OPN1LW: variants seen among roughly 807,000 people sequenced by gnomAD.
OPN1LW encodes opsin 1, long wave sensitive.
In OPN1LW, 4 loss-of-function variants were observed where a neutral mutation model predicts 18.1. The ratio of observed to expected loss-of-function variants is 0.22; its 90% CI spans 0.11 to 0.51. The LOEUF (loss-of-function observed/expected upper bound fraction) is 0.51. OPN1LW is among the 20% of genes least tolerant of loss of function. OPN1LW has a pLI of 0.97. For synonymous variants in OPN1LW, 86 were observed against 101.2 expected (o/e 0.85, Z 0.90); for missense variants, 164 against 234.9 (o/e 0.70, Z 1.97).
At chrX:154,151,073 G>A (rs1471409363) in intron 2 of OPN1LW, 121 bp downstream of exon 2, 17 of 1,012,811 alleles carry the variant, frequency 1.7e-5, no homozygotes, top group African/African-American at 8.9e-5. Context: ...CCCCATCTGC[G>A]CCTCACATCC....
At chrX:154,149,337 G>A (rs2067066805) in intron 1 of OPN1LW, among the ~76,000 whole-genome samples, 1 of 103,677 alleles carries the variant, frequency 9.6e-6, no homozygotes, top group Non-Finnish European at 1.9e-5. Flanking sequence ...AGACCAGCCT[G>A]GTCAACATGG....
In OPN1LW at chrX:154,149,236, T is replaced by G. The variant is rs781827122; in HGVS notation, c.113-1420T>G. ...AAAGAAAAAAAAAAGAAAAGAAAAA[T>G]AAATTACCAGGCTGTGCATGGTGGC... is the stretch of plus-strand genomic sequence containing the variant. On this transcript the variant is annotated intron_variant, in intron 1 of 5. Coordinates refer to ENST00000369951, the MANE Select transcript of OPN1LW (RefSeq NM_020061.6). 5.0e-3 allele frequency among the ~76,000 whole-genome samples: 405 copies of G among 80,894 alleles called. 17 individuals are homozygous for G. Among genetic ancestry groups the G allele is most frequent in the African/African-American group, 0.022 (371 of 17,076 alleles). 70.2% of individuals were successfully genotyped at this position (80,894 alleles called of 115,157 possible).
chrX:154,145,682 C>T (rs1179768518), intron 1 of OPN1LW, among the ~76,000 whole-genome samples: 1 of 78,474 alleles, frequency 1.3e-5, no homozygotes, highest in Non-Finnish European at 2.4e-5. Context: ...ACAGTCTCTT[C>T]CTAGATGCCC....
intron 1 of OPN1LW, among the ~76,000 whole-genome samples, chrX:154,148,073 TA>T (rs1159974891): frequency 3.3e-5 from 3 of 90,543 alleles, no homozygotes; most frequent in Non-Finnish European, 6.0e-5. Context: ...TCTACAGAAA[TA>T]AAAAAAATTG....
At position 154,156,429 on chromosome X, in the gene OPN1LW, A is replaced by T; in HGVS notation, c.880A>T (p.Asn294Tyr). Reference protein sequence around the residue: ...YTFFACFAAANPGYAFHPLMA... With the variant: ...YTFFACFAAAYPGYAFHPLMA... Reference sequence around the variant, plus strand: ...CTTCTTCGCATGCTTTGCTGCTGCCAACCCTGGTTACGCCTTCCACCCTTT... The same window carrying T: ...CTTCTTCGCATGCTTTGCTGCTGCCTACCCTGGTTACGCCTTCCACCCTTT... The change falls in exon 5 of 6, where the codon AAC becomes TAC. Residue 294 changes from asparagine (N) to tyrosine (Y), a missense_variant. Physicochemically the swap from Asn to Tyr is moderately radical, Grantham distance 143. This residue lies in a region of OPN1LW where 53 missense variants were observed against 50.2 expected (regional missense o/e 1.06). Coordinates refer to ENST00000369951, the MANE Select transcript of OPN1LW (RefSeq NM_020061.6). 1 of 1,204,947 alleles carries T rather than the reference A, an allele frequency of 8.3e-7. No homozygotes were observed. Among genetic ancestry groups the T allele is most frequent in the Non-Finnish European group, 1.1e-6 (1 of 890,474 alleles).
intron 3 of OPN1LW, among the ~76,000 whole-genome samples, chrX:154,154,265 A>G (rs2067078556): frequency 2.0e-5 from 2 of 101,018 alleles, no homozygotes; most frequent in African/African-American, 7.5e-5. Flanking sequence ...TGCCTGGCCT[A>G]TAATGGTACA....
intron 1 of OPN1LW, among the ~76,000 whole-genome samples, chrX:154,149,059 G>C (rs1210279407): frequency 1.9e-5 from 2 of 103,421 alleles, no homozygotes; most frequent in Admixed American, 9.9e-5. Flanking sequence ...GAAAAAATTA[G>C]CCAGGCGTGG....
In OPN1LW at chrX:154,156,665, C is replaced by G. The variant is rs1441787636; in HGVS notation, c.984+132C>G. 18 of 1,065,733 alleles carry G rather than the reference C, an allele frequency of 1.7e-5. No homozygotes were observed. In the African/African-American group the frequency reaches 3.5e-4, roughly 21 times the overall value. The allele number at this position is 1,065,733 out of a possible 1,213,427, so 87.8% of individuals were successfully genotyped here. A position where few individuals can be genotyped will look rare whatever the true frequency, so the allele number is the denominator to read the frequency against. ...TCTGGGGGACCCTCCAGGGAAATGACCGGGAAAGGCTCAGCGTGTGACCCA... is the reference window on the plus strand; with the variant it reads ...TCTGGGGGACCCTCCAGGGAAATGAGCGGGAAAGGCTCAGCGTGTGACCCA... On this transcript the variant is annotated intron_variant, in intron 5 of 5. Coordinates refer to ENST00000369951, the MANE Select transcript of OPN1LW (RefSeq NM_020061.6).
At chrX:154,148,101 C>T (rs1443930580) in intron 1 of OPN1LW, among the ~76,000 whole-genome samples, 2 of 97,808 alleles carry the variant, frequency 2.0e-5, no homozygotes, top group African/African-American at 4.8e-5. Context: ...TGGTAATGCA[C>T]GGCTTGTAGT....
Position 154,150,739 on chromosome X carries a change from G to A in OPN1LW, c.196G>A (p.Ala66Thr), listed in dbSNP as rs781794536. The change falls in exon 2 of 6, where the codon GCA becomes ACA. Residue 66 changes from alanine (A) to threonine (T), a missense_variant. By Grantham distance (58) the Ala-to-Thr change is moderately conservative (BLOSUM62 0). Transcript: ENST00000369951. The part of the protein sequence containing the change: ...TSVWMIFVVT[A>T]SVFTNGLVLA... ...TGTCTGGATGATCTTTGTGGTCACT[G>A]CATCCGTCTTCACAAATGGGCTTGT... 8.3e-6 allele frequency: 10 copies of A among 1,199,490 alleles called. No homozygotes were observed. The East Asian group carries it at 2.7e-4, about 32-fold the overall frequency.
In OPN1LW at chrX:154,156,440, C is replaced by T. The variant is rs782711582; in HGVS notation, c.891C>T (p.Tyr297=). ...FACFAAANPG[Y]AFHPLMAALP... is the part of the protein sequence containing the mutation. ...GCTTTGCTGCTGCCAACCCTGGTTA[C>T]GCCTTCCACCCTTTGATGGCTGCCC... The change falls in exon 5 of 6, where the codon TAC becomes TAT. Residue 297 remains tyrosine (Y), a synonymous_variant. Coordinates refer to ENST00000369951, the MANE Select transcript of OPN1LW (RefSeq NM_020061.6). 68 of 1,203,197 alleles carry T rather than the reference C, an allele frequency of 5.7e-5. 1 individual carries two copies. The highest frequency in any genetic ancestry group is 2.1e-4 in the East Asian group (7 of 33,630).
chrX:154,150,933 C>G lies in OPN1LW; in HGVS notation c.390C>G (p.Gly130=). The G allele has an allele frequency of 1.7e-6, 2 of 1,193,330 alleles. No homozygotes were observed. Among genetic ancestry groups the G allele is most frequent in the Non-Finnish European group, 2.3e-6 (2 of 887,695 alleles). ...GCCACCCTATGTGTGTCCTGGAGGG[C>G]TACACCGTCTCCCTGTGTGGTAAGC... The part of the protein sequence containing the change: ...VLGHPMCVLE[G]YTVSLCGITG... The change falls in exon 2 of 6, where the codon GGC becomes GGG. Residue 130 remains glycine (G), a synonymous_variant. Coordinates refer to ENST00000369951, the MANE Select transcript of OPN1LW (RefSeq NM_020061.6).
chrX:154,144,250 C>T lies in OPN1LW; in HGVS notation c.-34C>T, dbSNP rs2067052617. Reference sequence around the variant, plus strand: ...GTGACCCTCAGGTGATGCGCCAGGGCCGGCTGCCGTCGGGGACAGGGCTTT... The same window carrying T: ...GTGACCCTCAGGTGATGCGCCAGGGTCGGCTGCCGTCGGGGACAGGGCTTT... On this transcript the variant is annotated 5_prime_UTR_variant, in exon 1 of 6. Transcript: ENST00000369951. The T allele has an allele frequency of 8.3e-6, 10 of 1,210,146 alleles. No homozygotes were observed. The highest frequency in any genetic ancestry group is 7.8e-6 in the Non-Finnish European group (7 of 895,152).
chrX:154,150,547 T>C, intron 1 of OPN1LW, 109 bp from the exon 2 acceptor site: 1 of 887,584 alleles, frequency 1.1e-6, no homozygotes, highest in Non-Finnish European at 1.6e-6. Flanking sequence ...AAACAGCCAA[T>C]TGCAAAGGCA....
chrX:154,149,559 G>T (rs1186616349), intron 1 of OPN1LW, among the ~76,000 whole-genome samples: 1 of 93,670 alleles, frequency 1.1e-5, no homozygotes. Flanking sequence ...AAGAAAGAAA[G>T]GAAAAGAATA....
In OPN1LW at chrX:154,156,470, G is replaced by A. The variant is rs149719211; in HGVS notation, c.921G>A (p.Pro307=). 23 of 1,202,642 alleles carry A rather than the reference G, an allele frequency of 1.9e-5. 1 individual carries two copies. Among genetic ancestry groups the A allele is most frequent in the African/African-American group, 5.3e-5 (3 of 56,659 alleles). ...TCCACCCTTTGATGGCTGCCCTGCC[G>A]GCCTACTTTGCCAAAAGTGCCACTA... ...YAFHPLMAAL[P]AYFAKSATIY... is the part of the protein sequence containing the mutation. Residue 307 remains proline (P), a synonymous_variant, in exon 5 of 6, where the codon CCG becomes CCA. Coordinates refer to ENST00000369951, the MANE Select transcript of OPN1LW (RefSeq NM_020061.6).
At position 154,154,712 on chromosome X, in the gene OPN1LW, C is replaced by T. The variant is rs2067080593; in HGVS notation, c.717C>T (p.Tyr239=). The T allele has an allele frequency of 2.5e-6, 3 of 1,189,487 alleles. No homozygotes were observed. Among genetic ancestry groups the T allele is most frequent in the Non-Finnish European group, 3.4e-6 (3 of 882,741 alleles). ...CACTCGCTATCATCATGCTCTGCTA[C>T]CTCCAAGTGTGGCTGGCCATCCGAG... is the stretch of plus-strand genomic sequence containing the variant. ...IIPLAIIMLC[Y]LQVWLAIRAV... Residue 239 remains tyrosine, a synonymous_variant, in exon 4 of 6, where the codon TAC becomes TAT. Transcript: ENST00000369951.
intron 1 of OPN1LW, among the ~76,000 whole-genome samples, chrX:154,149,221 AAAAG>A (rs1557157293): frequency 1.0e-5 from 1 of 99,877 alleles, no homozygotes; most frequent in Non-Finnish European, 1.9e-5. Flanking sequence ...AAAGAAAAAA[AAAAG>A]AAAAGAAAAA....
In OPN1LW at chrX:154,150,976, C is replaced by G. The variant is rs782399134; in HGVS notation, c.409+24C>G. On this transcript the variant is annotated intron_variant, in intron 2 of 5. Coordinates refer to ENST00000369951, the MANE Select transcript of OPN1LW (RefSeq NM_020061.6). Reference sequence around the variant, plus strand: ...TGGTAAGCCAGTCGGGGCCCAGGCTCGGCGGAAACCACTCATTCACCCTGC... The same window carrying G: ...TGGTAAGCCAGTCGGGGCCCAGGCTGGGCGGAAACCACTCATTCACCCTGC... 17 of 1,177,109 alleles carry G rather than the reference C, an allele frequency of 1.4e-5. 2 individuals carry two copies. The Admixed American group carries it at 2.7e-4, about 19-fold the overall frequency.
Sources: gnomAD v4.1 joint callset for allele counts (sites outside exome capture counted in the v4.1 genomes callset) on GRCh38, gnomAD v4.1.1 for gene constraint, gnomAD v4.1.1 regional missense constraint, MANE v1.5 for transcripts, NCBI Gene and HGNC (gene_info 2026-07-23, HGNC 2026-07-21) for gene names.